FYB1: variants seen among roughly 807,000 people sequenced by gnomAD.
The protein encoded by FYB1 is FYN-binding protein 1.
Under a neutral mutation model 94.1 loss-of-function variants are expected in FYB1, and 41 were observed. That is an observed-to-expected ratio of 0.44 (90% CI 0.34 to 0.57). The LOEUF is 0.57. Ranked by LOEUF, FYB1 falls within the 20% of genes least tolerant of loss-of-function variation. FYB1 has a pLI of 0.02. For missense variants in FYB1, 1,050 were observed against 976.8 expected (o/e 1.07, Z -1.00); for synonymous variants, 367 against 353.2 (o/e 1.04, Z -0.44).
At chr5:39,190,093 C>T (rs1224224426) in intron 2 of FYB1, among the ~76,000 whole-genome samples, 2 of 152,156 alleles carry the variant, frequency 1.3e-5, no homozygotes, top group East Asian at 3.9e-4. Context: ...TTTTATATTT[C>T]CTACATTGGC....
intron 1 of FYB1, among the ~76,000 whole-genome samples, chr5:39,226,329 G>C (rs1750470069): frequency 1.3e-5 from 2 of 151,946 alleles, no homozygotes; most frequent in Non-Finnish European, 2.9e-5. Context: ...TTGCAGGGTT[G>C]TCAACATGAT....
intron 1 of FYB1, among the ~76,000 whole-genome samples, chr5:39,210,572 C>G (rs984160078): frequency 7.2e-5 from 11 of 152,190 alleles, no homozygotes; most frequent in Admixed American, 3.9e-4. Flanking sequence ...TTTTTAGAAT[C>G]AGGAGCGGGA....
chr5:39,156,315 C>T (rs1743747430), intron 2 of FYB1, among the ~76,000 whole-genome samples: 1 of 152,112 alleles, frequency 6.6e-6, no homozygotes, highest in Non-Finnish European at 1.5e-5. Context: ...ACTTGAGAAA[C>T]CCAGGAAGGG....
chr5:39,167,263 C>G (rs1744824531), intron 2 of FYB1, among the ~76,000 whole-genome samples: 1 of 151,774 alleles, frequency 6.6e-6, no homozygotes, highest in African/African-American at 2.4e-5. Context: ...AGTTCTCTCT[C>G]TCTCTCTGTC....
At chr5:39,165,112 A>G (rs549982879) in intron 2 of FYB1, among the ~76,000 whole-genome samples, 69 of 152,366 alleles carry the variant, frequency 4.5e-4, no homozygotes, top group South Asian at 8.3e-4. Flanking sequence ...GGCAATGACT[A>G]TTGTTGCCAT....
chr5:39,244,842 T>G (rs1321561976), intron 1 of FYB1, among the ~76,000 whole-genome samples: 1 of 152,236 alleles, frequency 6.6e-6, no homozygotes, highest in Non-Finnish European at 1.5e-5. Flanking sequence ...TATTCAGAGA[T>G]TCAACTTCTT....
chr5:39,139,193 G>T lies in FYB1; in HGVS notation c.1359+40C>A, dbSNP rs1741930845. On this transcript the variant is annotated intron_variant, in intron 5 of 18. Transcript: ENST00000512982. ...AATCATAATACTTGTGAAATATTCT[G>T]ATTATGTCAATATAATATGAGAAGA... The T allele has an allele frequency of 2.8e-6, 4 of 1,429,770 alleles. No homozygotes were observed. The South Asian group carries it at 4.0e-5, about 14-fold the overall frequency. 88.6% of individuals were successfully genotyped at this position (1,429,770 alleles called of 1,614,324 possible).
Position 39,237,295 on chromosome 5 carries a change from C to T in FYB1, c.-27-34308G>A, listed in dbSNP as rs1677448. On this transcript the variant is annotated intron_variant, in intron 1 of 1. Coordinates refer to the FYB1 transcript ENST00000510188. ...TACAATAATCTAAGTATGAGATGACCGGCTTGCTGAAGATATTAGGTGCAT... is the reference window on the plus strand; with the variant it reads ...TACAATAATCTAAGTATGAGATGACTGGCTTGCTGAAGATATTAGGTGCAT... 5.7e-3 allele frequency among the ~76,000 whole-genome samples: 865 copies of T among 151,926 alleles called. 4 individuals are homozygous for T. The highest frequency in any genetic ancestry group is 7.4e-3 in the Non-Finnish European group (506 of 67,962).
In FYB1 at chr5:39,119,641, C is replaced by A; in HGVS notation, c.2139-7G>T. 5 of 1,509,182 alleles carry A rather than the reference C, an allele frequency of 3.3e-6. No homozygotes were observed. Among genetic ancestry groups the A allele is most frequent in the Non-Finnish European group, 4.4e-6 (5 of 1,129,774 alleles). The allele number at this position is 1,509,182 out of a possible 1,614,324, so 93.5% of individuals were successfully genotyped here. ...TCCAACATTAGTTCCTTGACTAGAA[C>A]GGCAGAACACACATAAAACAACACT... On this transcript the variant is annotated splice_region_variant and splice_polypyrimidine_tract_variant and intron_variant, in intron 14 of 18. Coordinates refer to ENST00000512982, the MANE Select transcript of FYB1 (RefSeq NM_001465.6).
At chr5:39,121,371 G>A (rs1044024307) in intron 14 of FYB1, among the ~76,000 whole-genome samples, 11 of 151,894 alleles carry the variant, frequency 7.2e-5, no homozygotes, top group Non-Finnish European at 1.6e-4. Flanking sequence ...CTTCATATAT[G>A]AATGATGGCA....
At chr5:39,178,375 G>A (rs113369397) in intron 2 of FYB1, among the ~76,000 whole-genome samples, 11 of 152,302 alleles carry the variant, frequency 7.2e-5, no homozygotes, top group African/African-American at 2.6e-4. Context: ...AGTGTGTACT[G>A]TATGCCCTAC....
At chr5:39,175,759 C>G (rs527713740) in intron 2 of FYB1, among the ~76,000 whole-genome samples, 9 of 152,044 alleles carry the variant, frequency 5.9e-5, no homozygotes, top group Non-Finnish European at 1.3e-4. Context: ...GCAGTACCAG[C>G]TTTCAAGGAA....
At chr5:39,123,866 G>T (rs540212135) in intron 13 of FYB1, among the ~76,000 whole-genome samples, 3 of 152,134 alleles carry the variant, frequency 2.0e-5, no homozygotes, top group South Asian at 2.1e-4. Context: ...AATATTCAAA[G>T]AAATTAGATT....
At position 39,134,851 on chromosome 5, in the gene FYB1, T is replaced by C; in HGVS notation, c.1675+4A>G. The C allele has an allele frequency of 6.2e-7, 1 of 1,613,018 alleles. No homozygotes were observed. Among genetic ancestry groups the C allele is most frequent in the South Asian group, 1.1e-5 (1 of 90,936 alleles). ...TTCGAAGCCATAGAGAAATTTGCAC[T>C]CACATGAACCCCTTGCTGTTCTGCC... On this transcript the variant is annotated splice_donor_region_variant and intron_variant, in intron 8 of 18. Transcript: ENST00000512982.
At chr5:39,179,555 T>TC (rs967428783) in intron 2 of FYB1, among the ~76,000 whole-genome samples, 2 of 150,648 alleles carry the variant, frequency 1.3e-5, no homozygotes, top group Non-Finnish European at 3.0e-5. Context: ...TTTCTTTTTT[T>TC]TTTTTTTTGA....
intron 1 of FYB1, among the ~76,000 whole-genome samples, chr5:39,257,452 C>A (rs904815520): frequency 2.0e-5 from 3 of 148,568 alleles, no homozygotes; most frequent in African/African-American, 7.5e-5. Flanking sequence ...CTTACAAAAT[C>A]TTTTAGAAAT....
At chr5:39,124,712 G>T (rs966494021) in intron 12 of FYB1, among the ~76,000 whole-genome samples, 2 of 151,900 alleles carry the variant, frequency 1.3e-5, no homozygotes, top group Non-Finnish European at 2.9e-5. Context: ...AATTAATAGA[G>T]GTCACAGGAA....
intron 15 of FYB1, 120 bp downstream of exon 15, chr5:39,119,415 G>A: frequency 6.1e-6 from 4 of 659,732 alleles, no homozygotes; most frequent in Non-Finnish European, 9.7e-6. Context: ...ACACTTTAAA[G>A]TGTGCATTTT....
At position 39,138,700 on chromosome 5, in the gene FYB1, A is replaced by G. The variant is rs759454851; in HGVS notation, c.1360-9T>C. 2.2e-5 allele frequency: 32 copies of G among 1,447,648 alleles called. No homozygotes were observed. The highest frequency in any genetic ancestry group is 2.9e-5 in the Non-Finnish European group (30 of 1,037,980). The allele number at this position is 1,447,648 out of a possible 1,614,324, so 89.7% of individuals were successfully genotyped here. A position where few individuals can be genotyped will look rare whatever the true frequency, so the allele number is the denominator to read the frequency against. On this transcript the variant is annotated splice_polypyrimidine_tract_variant and intron_variant, in intron 5 of 18. Coordinates refer to ENST00000512982, the MANE Select transcript of FYB1 (RefSeq NM_001465.6). ...CCTTCACTGTCTTGTTCCTGTAAAGAAAAACATTGATAATGATTAATTTTT... is the reference window on the plus strand; with the variant it reads ...CCTTCACTGTCTTGTTCCTGTAAAGGAAAACATTGATAATGATTAATTTTT...
Sources: gnomAD v4.1 joint callset for allele counts (sites outside exome capture counted in the v4.1 genomes callset) on GRCh38, gnomAD v4.1.1 for gene constraint, MANE v1.5 for transcripts, NCBI Gene and HGNC (gene_info 2026-07-23, HGNC 2026-07-21) for gene names.